The following TPO variants were observed in gnomAD, a reference collection of about 807,000 sequenced individuals.
TPO encodes the protein thyroid peroxidase.
A neutral mutation model predicts 96.9 loss-of-function variants in TPO; 78 were observed. The ratio of observed to expected loss-of-function variants is 0.81; its 90% CI spans 0.67 to 0.97. The LOEUF (loss-of-function observed/expected upper bound fraction) is 0.97. Ranked by LOEUF, TPO falls within the 50% of genes least tolerant of loss-of-function variation. The pLI, the probability that TPO is intolerant of heterozygous loss-of-function variation, is 0.00. For synonymous variants in TPO, 547 were observed against 538.0 expected, an observed-to-expected ratio of 1.02 and a Z score of -0.23; for missense variants, 1,252 against 1,274.8, an observed-to-expected ratio of 0.98 and a Z score of 0.27.
chr2:1,453,663 C>T, intron 5 of TPO, 31 bp from the exon 6 acceptor site: 1 of 1,613,836 alleles, frequency 6.2e-7, no homozygotes, highest in South Asian at 1.1e-5. Context: ...TCTCCCCCAT[C>T]TCAAACACAT....
chr2:1,538,669 C>T (rs1023647152), intron 15 of TPO, among the ~76,000 whole-genome samples: 2 of 152,118 alleles, frequency 1.3e-5, no homozygotes, highest in Non-Finnish European at 2.9e-5. Flanking sequence ...CTTCAGGTGG[C>T]TTTTACTTGG....
intron 3 of TPO, among the ~76,000 whole-genome samples, chr2:1,423,403 T>C (rs538933751): frequency 6.6e-6 from 1 of 152,150 alleles, no homozygotes; most frequent in Non-Finnish European, 1.5e-5. Context: ...GACGTCCTGA[T>C]AGCAAAACCA....
chr2:1,484,166 A>T (rs1309279866), intron 8 of TPO, among the ~76,000 whole-genome samples: 1 of 152,192 alleles, frequency 6.6e-6, no homozygotes, highest in Non-Finnish European at 1.5e-5. Context: ...TTTTCCATCG[A>T]CAGAGCTCTC....
chr2:1,493,947 C>G lies in TPO; in HGVS notation c.1914C>G (p.Gly638=), dbSNP rs750357995. Residue 638 remains glycine, a synonymous_variant, in exon 11 of 17, where the codon GGC becomes GGG. Transcript: ENST00000329066. ...HPDNIDVWLG[G]LAENFLPRAR... ...ACAACATCGATGTCTGGCTGGGAGG[C>G]TTAGCTGAAAACTTCCTCCCCAGGG... 1 of 1,614,176 alleles carries G rather than the reference C, an allele frequency of 6.2e-7. No homozygotes were observed. Among genetic ancestry groups the G allele is most frequent in the South Asian group, 1.1e-5 (1 of 91,082 alleles).
At chr2:1,488,205 A>G (rs1432336493) in intron 10 of TPO, among the ~76,000 whole-genome samples, 4 of 151,986 alleles carry the variant, frequency 2.6e-5, no homozygotes, top group African/African-American at 4.8e-5. Context: ...GTGGTTCTGA[A>G]CCTCCCAGGA....
At chr2:1,508,652 G>C (rs879314950) in intron 14 of TPO, among the ~76,000 whole-genome samples, 2 of 152,126 alleles carry the variant, frequency 1.3e-5, no homozygotes, top group African/African-American at 2.4e-5. Context: ...ATTTCTTCTA[G>C]ATTTTCTAGT....
intron 1 of TPO, among the ~76,000 whole-genome samples, chr2:1,379,374 C>T (rs1317475193): frequency 6.6e-6 from 1 of 152,062 alleles, no homozygotes; most frequent in Non-Finnish European, 1.5e-5. Flanking sequence ...AGGAATGAGC[C>T]CTCTTGCCAT....
At chr2:1,515,983 G>A (rs548445824) in intron 14 of TPO, among the ~76,000 whole-genome samples, 8 of 152,282 alleles carry the variant, frequency 5.3e-5, no homozygotes, top group African/African-American at 1.7e-4. Context: ...CGGCCACCTC[G>A]AATGGGTATC....
intron 9 of TPO, among the ~76,000 whole-genome samples, chr2:1,487,174 C>T (rs1478957774): frequency 6.6e-6 from 1 of 152,136 alleles, no homozygotes; most frequent in African/African-American, 2.4e-5. Context: ...GTCTTCCTTT[C>T]ACTGTTCTGG....
At chr2:1,524,949 CTGTGCAACCTCCCCAAATCCCCCCAGTG>C (rs1362319989) in intron 15 of TPO, among the ~76,000 whole-genome samples, 10 of 116,736 alleles carry the variant, frequency 8.6e-5, no homozygotes, top group African/African-American at 2.4e-4. Flanking sequence ...AATCCCGACT[CTGTGCAACCTCCCCAAATCCCCCCAGTG>C]TGTGCAACCT....
chr2:1,466,894 C>G (rs1229787211), intron 7 of TPO, among the ~76,000 whole-genome samples: 1 of 151,972 alleles, frequency 6.6e-6, no homozygotes, highest in Non-Finnish European at 1.5e-5. Flanking sequence ...TAGTTCTGCT[C>G]TGATCTTGGT....
rs879293595 is a variant in TPO at position 1,379,219 on chromosome 2, C to T, written n.180+4817C>T. Among the ~76,000 whole-genome samples, 18 of 152,164 alleles carry T rather than the reference C, an allele frequency of 1.2e-4. No individual in the cohort carries two copies. The East Asian group carries it at 1.9e-3, about 16-fold the overall frequency. ...ACTCAGGAAACTGAGGCAGGAGAAT[C>T]GCTTGAACCCAGGAGGCGGAGGTTG... On this transcript the variant is annotated intron_variant and non_coding_transcript_variant, in intron 1 of 5. Coordinates refer to the TPO transcript ENST00000497517.
intron 1 of TPO, among the ~76,000 whole-genome samples, chr2:1,400,582 AAAAAAAGAAAT>A (rs1327348255): frequency 1.3e-5 from 2 of 148,434 alleles, no homozygotes; most frequent in African/African-American, 5.2e-5. Flanking sequence ...AAAAAAAAAA[AAAAAAAGAAAT>A]ATTTGTGACT....
intron 5 of TPO, among the ~76,000 whole-genome samples, chr2:1,446,489 G>A (rs1284104603): frequency 4.6e-5 from 7 of 152,138 alleles, no homozygotes; most frequent in Non-Finnish European, 7.4e-5. Flanking sequence ...TTTCATTTTG[G>A]CCCTTCTTGA....
At position 1,496,076 on chromosome 2, in the gene TPO, C is replaced by T. The variant is rs1672302498; in HGVS notation, c.2094C>T (p.Asn698=). 2 of 1,614,086 alleles carry T rather than the reference C, an allele frequency of 1.2e-6. No homozygotes were observed. The highest frequency in any genetic ancestry group is 1.7e-6 in the Non-Finnish European group (2 of 1,180,028). Residue 698 remains asparagine, a synonymous_variant, in exon 12 of 17, where the codon AAC becomes AAT. Transcript: ENST00000329066. ...CCCTGTCTCGGGTCATCTGTGACAA[C>T]ACTGGCCTCACCAGGGTGCCCATGG... ...KHSLSRVICD[N]TGLTRVPMDA...
At position 1,414,485 on chromosome 2, in the gene TPO, G is replaced by T; in HGVS notation, c.77G>T (p.Gly26Val). ...GCCTTCTTCCCCTTCATCTCGAGAGGGAAAGAACTCCTTTGGGGTAAGTAG... is the reference window on the plus strand; with the variant it reads ...GCCTTCTTCCCCTTCATCTCGAGAGTGAAAGAACTCCTTTGGGGTAAGTAG... ...TEAFFPFISR[G>V]KELLWGKPEE... Residue 26 changes from glycine (G) to valine (V), a missense_variant, in exon 2 of 17, where the codon GGG becomes GTG. Gly to Val is a moderately radical substitution (Grantham distance 109). Transcript: ENST00000329066. 1 of 1,613,878 alleles carries T rather than the reference G, an allele frequency of 6.2e-7. No homozygotes were observed. The highest frequency in any genetic ancestry group is 8.5e-7 in the Non-Finnish European group (1 of 1,179,952).
At chr2:1,517,050 A>G (rs1674791299) in intron 15 of TPO, 68 bp downstream of exon 15, 2 of 1,517,816 alleles carry the variant, frequency 1.3e-6, no homozygotes, top group African/African-American at 1.4e-5. Flanking sequence ...ACATGGCTGC[A>G]ATGAAGCTGC....
At chr2:1,395,564 C>A (rs1662066937) in intron 1 of TPO, among the ~76,000 whole-genome samples, 1 of 152,082 alleles carries the variant, frequency 6.6e-6, no homozygotes, top group African/African-American at 2.4e-5. Flanking sequence ...ATAAAAATAT[C>A]TCTCCATGTG....
At chr2:1,485,719 G>A (rs1490415381) in intron 9 of TPO, among the ~76,000 whole-genome samples, 1 of 152,048 alleles carries the variant, frequency 6.6e-6, no homozygotes, top group African/African-American at 2.4e-5. Flanking sequence ...GGAAGTGTCT[G>A]TTCATATCCT....
Sources: gnomAD v4.1 joint callset for allele counts (sites outside exome capture counted in the v4.1 genomes callset) on GRCh38, gnomAD v4.1.1 for gene constraint, MANE v1.5 for transcripts, NCBI Gene and HGNC (gene_info 2026-07-23, HGNC 2026-07-21) for gene names.